The following CYB5D2 variants were observed in gnomAD, a reference collection of about 807,000 sequenced individuals.
CYB5D2 encodes the protein cytochrome b5 domain containing 2, also known as neuferricin.
In CYB5D2, 23 loss-of-function variants were observed where a neutral mutation model predicts 22.8. The observed-to-expected ratio is 1.01, with a 90% CI of 0.73 to 1.43. CYB5D2 has a LOEUF of 1.43. CYB5D2 is among the 40% of genes most tolerant of loss of function. The pLI, the probability that CYB5D2 is intolerant of heterozygous loss-of-function variation, is 0.00. For missense variants in CYB5D2, 373 were observed against 357.2 expected (o/e 1.04, Z -0.36); for synonymous variants, 170 against 152.2 (o/e 1.12, Z -0.86).
intron 2 of CYB5D2, among the ~76,000 whole-genome samples, chr17:4,151,960 C>G (rs1301331707): frequency 1.3e-5 from 2 of 150,664 alleles, no homozygotes; most frequent in African/African-American, 4.9e-5. Context: ...AAGCCGAGAT[C>G]ACATCACTGC....
intron 1 of CYB5D2, among the ~76,000 whole-genome samples, chr17:4,148,470 T>C (rs1283318990): frequency 6.9e-6 from 1 of 145,642 alleles, no homozygotes; most frequent in African/African-American, 2.6e-5. Context: ...TGAGCTGAGA[T>C]TGCGCCATTG....
Position 4,145,029 on chromosome 17 carries a change from G to A in CYB5D2, c.250+1024G>A, listed in dbSNP as rs560889560. Among the ~76,000 whole-genome samples, 12 of 152,070 alleles carry A rather than the reference G, an allele frequency of 7.9e-5. No homozygotes were observed. In the South Asian group the frequency reaches 2.3e-3, roughly 29 times the overall value. ...TCTCGATCTCCTGACCTTATGATCC[G>A]CCCACCTTGGCCTCCCAAAGTGCTG... On this transcript the variant is annotated intron_variant, in intron 1 of 3. Coordinates refer to ENST00000301391, the MANE Select transcript of CYB5D2 (RefSeq NM_144611.4).
chr17:4,143,837 TG>T lies in CYB5D2; in HGVS notation c.84del (p.Trp28CysfsTer65). ...AAVMAARLMG[W>X]WGPRAGFRLF... ...GGTAATGGCAGCACGGCTTATGGGC[TG>T]GTGGGGTCCCCGCGCTGGCTTTCGC... On this transcript the variant is annotated frameshift_variant, in exon 1 of 4. Transcript: ENST00000301391. LOFTEE classifies it high-confidence loss of function. 7 of 1,614,140 alleles carry T rather than the reference TG, an allele frequency of 4.3e-6. No individual in the cohort carries two copies. The South Asian group carries it at 6.6e-5, about 15-fold the overall frequency.
At chr17:4,151,570 C>T (rs1377295536) in intron 2 of CYB5D2, among the ~76,000 whole-genome samples, 3 of 151,602 alleles carry the variant, frequency 2.0e-5, no homozygotes, top group Admixed American at 6.6e-5. Flanking sequence ...GCCTGTAATC[C>T]CAGCTACTCA....
At chr17:4,147,620 A>C (rs1216761078) in intron 1 of CYB5D2, among the ~76,000 whole-genome samples, 2 of 152,190 alleles carry the variant, frequency 1.3e-5, no homozygotes, top group Non-Finnish European at 2.9e-5. Flanking sequence ...TTGGGAGGCC[A>C]AGGTGGGCCG....
rs1388851633 is a variant in CYB5D2, at chr17:4,143,672, T to G, written c.-84T>G. The G allele has an allele frequency of 4.6e-6, 7 of 1,511,572 alleles. No homozygotes were observed. The highest frequency in any genetic ancestry group is 6.2e-6 in the Non-Finnish European group (7 of 1,129,312). 93.6% of individuals were successfully genotyped at this position (1,511,572 alleles called of 1,614,324 possible). On this transcript the variant is annotated 5_prime_UTR_variant, in exon 1 of 4. It removes an upstream start codon present in the reference 5' UTR. Coordinates refer to ENST00000301391, the MANE Select transcript of CYB5D2 (RefSeq NM_144611.4). ...GAGAGAGCGAGAGCGCGCGCGCCGA[T>G]GACGTCACGCTCGGCGTCTCGGCCA...
chr17:4,144,116 C>T, intron 1 of CYB5D2, 111 bp downstream of exon 1: 1 of 1,426,636 alleles, frequency 7.0e-7, no homozygotes, highest in Non-Finnish European at 9.3e-7. Context: ...CCCCACCCCA[C>T]ATCCATCAAA....
At chr17:4,150,832 C>T (rs536173791) in intron 2 of CYB5D2, 4 of 152,288 alleles carry the variant, frequency 2.6e-5, no homozygotes, top group African/African-American at 9.7e-5. Flanking sequence ...GTTGCAGTGA[C>T]CTGAGATTGC....
intron 2 of CYB5D2, among the ~76,000 whole-genome samples, chr17:4,152,349 C>T (rs1479610402): frequency 1.3e-5 from 2 of 152,094 alleles, no homozygotes; most frequent in Non-Finnish European, 2.9e-5. Context: ...TTCAGGTTAC[C>T]AGAAACCCTC....
intron 1 of CYB5D2, among the ~76,000 whole-genome samples, chr17:4,149,579 C>A (rs947192265): frequency 6.6e-6 from 1 of 151,810 alleles, no homozygotes; most frequent in Non-Finnish European, 1.5e-5. Context: ...CCAAGGTGGG[C>A]GGATCACCTG....
chr17:4,143,575 T>C lies in CYB5D2; in HGVS notation c.-181T>C, dbSNP rs559527600. On this transcript the variant is annotated 5_prime_UTR_variant, in exon 1 of 4. Transcript: ENST00000301391. ...TGGAAAAAGTCGCAGACAGCGAGCTTTTCGCCAGTGCCAGGAATACAGATA... is the reference window on the plus strand; with the variant it reads ...TGGAAAAAGTCGCAGACAGCGAGCTCTTCGCCAGTGCCAGGAATACAGATA... 1.6e-5 allele frequency: 13 copies of C among 813,346 alleles called. No individual in the cohort carries two copies. Among genetic ancestry groups the C allele is most frequent in the Non-Finnish European group, 2.2e-5 (12 of 549,752 alleles). The allele number at this position is 813,346 out of a possible 1,614,324, so 50.4% of individuals were successfully genotyped here. A position where few individuals can be genotyped will look rare whatever the true frequency, so the allele number is the denominator to read the frequency against.
chr17:4,145,680 C>T (rs1478842472), intron 1 of CYB5D2, among the ~76,000 whole-genome samples: 1 of 152,218 alleles, frequency 6.6e-6, no homozygotes, highest in Non-Finnish European at 1.5e-5. Flanking sequence ...ATGCTCCCCA[C>T]CGCCCACACA....
At chr17:4,144,940 C>T (rs2058968523) in intron 1 of CYB5D2, among the ~76,000 whole-genome samples, 1 of 152,134 alleles carries the variant, frequency 6.6e-6, no homozygotes, top group South Asian at 2.1e-4. Flanking sequence ...GCGCCCACCA[C>T]CACGCCCGGC....
rs1243605374 is a variant in CYB5D2 at position 4,143,563 on chromosome 17, A to G, written c.-193A>G. 1.0e-5 allele frequency: 7 copies of G among 690,020 alleles called. No homozygotes were observed. Among genetic ancestry groups the G allele is most frequent in the Non-Finnish European group, 1.6e-5 (7 of 443,862 alleles). The allele number at this position is 690,020 out of a possible 1,614,324, so 42.7% of individuals were successfully genotyped here. A position where few individuals can be genotyped will look rare whatever the true frequency, so the allele number is the denominator to read the frequency against. ...AAAAAAAGTACCTGGAAAAAGTCGC[A>G]GACAGCGAGCTTTTCGCCAGTGCCA... is the stretch of plus-strand genomic sequence containing the variant. On this transcript the variant is annotated 5_prime_UTR_variant, in exon 1 of 4. Coordinates refer to ENST00000301391, the MANE Select transcript of CYB5D2 (RefSeq NM_144611.4).
At position 4,154,861 on chromosome 17, in the gene CYB5D2, G is replaced by T. The variant is rs777740246; in HGVS notation, c.578+1G>T. The stretch of plus-strand genomic sequence containing the variant: ...GCCGGCTCTGGTGCTCCCAGAAGAG[G>T]TAAGCAGGCTCCCCTTCTTCTCCTT... On this transcript the variant is annotated splice_donor_variant, in intron 3 of 3. Transcript: ENST00000301391. LOFTEE classifies it high-confidence loss of function. 4 of 1,608,732 alleles carry T rather than the reference G, an allele frequency of 2.5e-6. No individual in the cohort carries two copies. In the South Asian group the frequency reaches 4.4e-5, roughly 18 times the overall value.
intron 2 of CYB5D2, among the ~76,000 whole-genome samples, chr17:4,150,371 G>C (rs1411909076): frequency 6.6e-6 from 1 of 152,204 alleles, no homozygotes; most frequent in East Asian, 1.9e-4. Context: ...TCAGCACACA[G>C]CCAGAAGGGC....
intron 1 of CYB5D2, 30 bp from the exon 2 acceptor site, chr17:4,149,861 C>G (rs369854397): frequency 2.5e-6 from 4 of 1,601,906 alleles, no homozygotes; most frequent in African/African-American, 2.7e-5. Flanking sequence ...TGGTTTACAC[C>G]TGGGTCTGAT....
At chr17:4,144,070 T>G in intron 1 of CYB5D2, 65 bp downstream of exon 1, 24 of 1,519,180 alleles carry the variant, frequency 1.6e-5, no homozygotes, top group Non-Finnish European at 2.0e-5. Flanking sequence ...CTGCGCGTCG[T>G]TCGTTGGTTC....
intron 1 of CYB5D2, among the ~76,000 whole-genome samples, chr17:4,148,442 G>A (rs2059016721): frequency 6.6e-6 from 1 of 151,452 alleles, no homozygotes; most frequent in South Asian, 2.1e-4. Context: ...GCTTGAACCC[G>A]GGAGGTAGAG....
Sources: allele counts gnomAD v4.1 joint callset (sites outside exome capture counted in the v4.1 genomes callset), GRCh38; gene constraint gnomAD v4.1.1; transcripts MANE v1.5; gene names NCBI Gene and HGNC (gene_info 2026-07-23, HGNC 2026-07-21).